RBMS3: variants seen among roughly 807,000 people sequenced by gnomAD.
RBMS3 encodes RNA-binding motif, single-stranded-interacting protein 3.
Under a neutral mutation model 66.8 loss-of-function variants are expected in RBMS3, and 27 were observed. That is an observed-to-expected ratio of 0.40 (90% CI 0.30 to 0.56). RBMS3 has a LOEUF of 0.56. Ranked by LOEUF, RBMS3 falls within the 20% of genes least tolerant of loss-of-function variation. The pLI, the probability that RBMS3 is intolerant of heterozygous loss-of-function variation, is 0.40. For synonymous variants in RBMS3, 188 were observed against 183.0 expected (o/e 1.03, Z -0.22); for missense variants, 513 against 549.5 (o/e 0.93, Z 0.66).
chr3:29,668,343 A>C (rs1020515143), intron 4 of RBMS3, among the ~76,000 whole-genome samples: 2 of 152,220 alleles, frequency 1.3e-5, no homozygotes, highest in African/African-American at 4.8e-5. Context: ...TCTGCTACTC[A>C]GAACTGCCAC....
chr3:29,886,901 T>C (rs936850858), intron 8 of RBMS3, among the ~76,000 whole-genome samples: 1 of 151,678 alleles, frequency 6.6e-6, no homozygotes, highest in African/African-American at 2.4e-5. Context: ...TGAAGAAACT[T>C]TTCAATCATG....
chr3:29,362,031 G>T (rs1214188785), intron 1 of RBMS3, among the ~76,000 whole-genome samples: 1 of 152,160 alleles, frequency 6.6e-6, no homozygotes, highest in African/African-American at 2.4e-5. Flanking sequence ...ATTGTCTGAA[G>T]CCTTCTTCTC....
chr3:29,773,654 C>G (rs1191741931), intron 6 of RBMS3, among the ~76,000 whole-genome samples: 1 of 152,098 alleles, frequency 6.6e-6, no homozygotes, highest in East Asian at 1.9e-4. Flanking sequence ...CATCAACCAG[C>G]ACCTGCATCT....
intron 12 of RBMS3, among the ~76,000 whole-genome samples, chr3:29,978,842 G>A (rs879277503): frequency 3.9e-5 from 6 of 152,066 alleles, no homozygotes; most frequent in East Asian, 1.9e-4. Context: ...TACTAGGTCA[G>A]AAGAACTGGG....
At chr3:29,624,383 G>A (rs1027023765) in intron 4 of RBMS3, among the ~76,000 whole-genome samples, 1 of 152,134 alleles carries the variant, frequency 6.6e-6, no homozygotes, top group Non-Finnish European at 1.5e-5. Context: ...GTGAGACTGT[G>A]AGAATGAAAG....
At chr3:29,673,503 A>G (rs762452143) in intron 4 of RBMS3, among the ~76,000 whole-genome samples, 1 of 151,816 alleles carries the variant, frequency 6.6e-6, no homozygotes, top group Non-Finnish European at 1.5e-5. Flanking sequence ...TGATAGACTG[A>G]CAGCAAGACT....
chr3:29,952,330 A>G (rs1402111781), intron 12 of RBMS3, among the ~76,000 whole-genome samples: 1 of 151,858 alleles, frequency 6.6e-6, no homozygotes, highest in East Asian at 1.9e-4. Context: ...CTACCAGAAG[A>G]TCAATATTTC....
rs78621523 is a variant in RBMS3 at position 29,944,567 on chromosome 3, A to G, written c.1098+313A>G. Among the ~76,000 whole-genome samples, 589 of 151,868 alleles carry G rather than the reference A, an allele frequency of 3.9e-3. 9 individuals carry two copies. The East Asian group carries it at 0.058, about 15-fold the overall frequency. ...GTGATTCTCAGTGTTAGACACAGTC[A>G]TCAAATTCCTGAAAAGTGGGAAAAT... is the stretch of plus-strand genomic sequence containing the variant. On this transcript the variant is annotated intron_variant, in intron 12 of 14. Transcript: ENST00000383767.
chr3:29,904,263 T>A (rs2149616254), intron 10 of RBMS3, among the ~76,000 whole-genome samples: 1 of 152,126 alleles, frequency 6.6e-6, no homozygotes, highest in Admixed American at 6.6e-5. Context: ...CCACCTAGGA[T>A]CCCTTCATTC....
intron 2 of RBMS3, among the ~76,000 whole-genome samples, chr3:29,476,073 C>A (rs2042937895): frequency 6.7e-6 from 1 of 149,436 alleles, no homozygotes; most frequent in Admixed American, 6.6e-5. Flanking sequence ...AAGGCATGCA[C>A]TCAGGGGAGT....
At chr3:29,483,129 C>A (rs1173651520) in intron 2 of RBMS3, among the ~76,000 whole-genome samples, 1 of 129,858 alleles carries the variant, frequency 7.7e-6, no homozygotes, top group Non-Finnish European at 1.6e-5. Context: ...CACGGTGAAA[C>A]CCTGTCTCTA....
intron 4 of RBMS3, among the ~76,000 whole-genome samples, chr3:29,625,617 G>A (rs1034922584): frequency 2.6e-5 from 4 of 151,972 alleles, no homozygotes; most frequent in Admixed American, 1.3e-4. Context: ...AGAATCACTT[G>A]AACCTGGGAG....
At chr3:29,299,860 C>T (rs2033552058) in intron 1 of RBMS3, among the ~76,000 whole-genome samples, 1 of 151,682 alleles carries the variant, frequency 6.6e-6, no homozygotes, top group Non-Finnish European at 1.5e-5. Context: ...CTTCATATAG[C>T]AGAAAACCTA....
intron 3 of RBMS3, among the ~76,000 whole-genome samples, chr3:29,496,454 T>TGATG (rs2043757586): frequency 6.6e-6 from 1 of 152,182 alleles, no homozygotes; most frequent in Non-Finnish European, 1.5e-5. Flanking sequence ...TTTGGAACCT[T>TGATG]CATTAGTGCA....
chr3:29,522,398 T>C (rs922037964), intron 3 of RBMS3, among the ~76,000 whole-genome samples: 3 of 152,154 alleles, frequency 2.0e-5, no homozygotes, highest in African/African-American at 7.2e-5. Flanking sequence ...TTTATCACGT[T>C]GGCCAGGCTG....
intron 6 of RBMS3, among the ~76,000 whole-genome samples, chr3:29,779,009 C>A (rs978963962): frequency 6.6e-6 from 1 of 151,724 alleles, no homozygotes; most frequent in Non-Finnish European, 1.5e-5. Context: ...TATTAATATC[C>A]TGTATTGGGT....
At chr3:29,546,317 C>T (rs1047976440) in intron 3 of RBMS3, among the ~76,000 whole-genome samples, 3 of 152,062 alleles carry the variant, frequency 2.0e-5, no homozygotes, top group Middle Eastern at 3.2e-3. Context: ...ATTGCAAAAA[C>T]GTACACAGCT....
At position 30,008,423 on chromosome 3, in the gene RBMS3, A is replaced by G. The variant is rs1019852630; in HGVS notation, c.*4561A>G. On this transcript the variant is annotated 3_prime_UTR_variant, in exon 15 of 15. Transcript: ENST00000383767. ...GGGACAATGTTTATGTACGTGTATA[A>G]CAACATTCAGCACATTTGAGGAATC... The G allele has an allele frequency of 2.0e-5, 3 of 152,116 alleles. No individual in the cohort carries two copies. Among genetic ancestry groups the G allele is most frequent in the African/African-American group, 7.2e-5 (3 of 41,444 alleles). The allele number at this position is 152,116 out of a possible 1,614,324, so 9.4% of individuals were successfully genotyped here.
chr3:29,558,129 C>T (rs1349530083), intron 3 of RBMS3, among the ~76,000 whole-genome samples: 2 of 152,100 alleles, frequency 1.3e-5, no homozygotes, highest in Non-Finnish European at 2.9e-5. Context: ...AAAATTAAAA[C>T]CATTTTCATG....
Sources: gnomAD v4.1 joint callset for allele counts (sites outside exome capture counted in the v4.1 genomes callset) on GRCh38, gnomAD v4.1.1 for gene constraint, MANE v1.5 for transcripts, NCBI Gene and HGNC (gene_info 2026-07-23, HGNC 2026-07-21) for gene names.